Variants in PHF2 observed in about 807,000 individuals in gnomAD.
PHF2 encodes the protein lysine-specific demethylase PHF2.
Under a neutral mutation model 120.5 loss-of-function variants are expected in PHF2, and 27 were observed. The observed-to-expected ratio is 0.22, with a 90% confidence interval of 0.17 to 0.31. The LOEUF is 0.31. PHF2 is among the 10% of genes least tolerant of loss of function. The probability of loss-of-function intolerance (pLI) is 1.00; values close to 1 mark genes in which losing one functional copy is unlikely to be tolerated. For synonymous variants in PHF2, 568 were observed against 592.5 expected (o/e 0.96, Z 0.60); for missense variants, 1,024 against 1,434.8 (o/e 0.71, Z 4.63).
intron 1 of PHF2, among the ~76,000 whole-genome samples, chr9:93,605,521 C>T (rs1475108081): frequency 6.6e-6 from 1 of 152,226 alleles, no homozygotes; most frequent in Non-Finnish European, 1.5e-5. Flanking sequence ...CCCAGTACCC[C>T]CAAACCTCTG....
At chr9:93,648,645 G>C (rs2117892771) in intron 4 of PHF2, among the ~76,000 whole-genome samples, 1 of 152,262 alleles carries the variant, frequency 6.6e-6, no homozygotes, top group South Asian at 2.1e-4. Context: ...TTATCAGTCT[G>C]CCAATTCTCA....
At chr9:93,664,369 G>A (rs1299550268) in intron 14 of PHF2, among the ~76,000 whole-genome samples, 1 of 152,198 alleles carries the variant, frequency 6.6e-6, no homozygotes, top group East Asian at 1.9e-4. Context: ...AACCTCGAGA[G>A]CCTCATGGTT....
At chr9:93,599,143 T>C (rs1825387926) in intron 1 of PHF2, among the ~76,000 whole-genome samples, 1 of 152,168 alleles carries the variant, frequency 6.6e-6, no homozygotes, top group African/African-American at 2.4e-5. Flanking sequence ...GCCAGGGAGA[T>C]GGGGAAGTAC....
intron 18 of PHF2, among the ~76,000 whole-genome samples, chr9:93,674,644 G>C (rs1826874759): frequency 6.6e-6 from 1 of 152,150 alleles, no homozygotes; most frequent in Non-Finnish European, 1.5e-5. Context: ...TGCAGGCACT[G>C]GGGCTAGGCT....
intron 1 of PHF2, among the ~76,000 whole-genome samples, chr9:93,616,546 A>G (rs1371298875): frequency 6.6e-6 from 1 of 152,192 alleles, no homozygotes; most frequent in Non-Finnish European, 1.5e-5. Flanking sequence ...ACCCTGTGCC[A>G]GATGCTGCAG....
chr9:93,623,212 A>G (rs1011885832), intron 1 of PHF2, among the ~76,000 whole-genome samples: 4 of 152,106 alleles, frequency 2.6e-5, no homozygotes, highest in Admixed American at 6.6e-5. Flanking sequence ...TCTGGGTCTA[A>G]TTTCTGGGCT....
intron 1 of PHF2, among the ~76,000 whole-genome samples, chr9:93,620,503 C>G (rs1399548671): frequency 6.6e-6 from 1 of 152,230 alleles, no homozygotes; most frequent in African/African-American, 2.4e-5. Flanking sequence ...GGCTGCTTGC[C>G]TCTCAGGTGG....
At chr9:93,615,778 G>A (rs549873392) in intron 1 of PHF2, among the ~76,000 whole-genome samples, 2 of 152,270 alleles carry the variant, frequency 1.3e-5, no homozygotes, top group East Asian at 1.9e-4. Context: ...ACTCCAAACA[G>A]CAGTAATCCA....
At position 93,676,787 on chromosome 9, in the gene PHF2, C is replaced by T. The variant is rs1419148418; in HGVS notation, c.3026C>T (p.Ser1009Leu). The part of the protein sequence containing the change: ...ASSQASQEGS[S>L]PEPPPESHSS... ...AGCCAGGCCTCGCAGGAGGGCAGCT[C>T]GCCAGAGCCCCCGCCTGAGTCGCAT... The change falls in exon 21 of 22, where the codon TCG (serine) becomes TTG (leucine). Residue 1009 changes from serine (S) to leucine (L), a missense_variant. Coordinates refer to ENST00000359246, the MANE Select transcript of PHF2 (RefSeq NM_005392.4). The T allele has an allele frequency of 8.4e-6, 13 of 1,552,250 alleles. No homozygotes were observed. Among genetic ancestry groups the T allele is most frequent in the South Asian group, 1.2e-5 (1 of 84,230 alleles).
At chr9:93,659,018 A>G (rs1342035855) in intron 10 of PHF2, among the ~76,000 whole-genome samples, 1 of 152,214 alleles carries the variant, frequency 6.6e-6, no homozygotes, top group East Asian at 1.9e-4. Flanking sequence ...CCCAGGCCAG[A>G]GAAGGCCAGT....
intron 9 of PHF2, among the ~76,000 whole-genome samples, chr9:93,657,844 G>C (rs987081739): frequency 6.6e-6 from 1 of 152,178 alleles, no homozygotes; most frequent in Non-Finnish European, 1.5e-5. Flanking sequence ...CCCTTGCTCA[G>C]GTAGGGCTGG....
At chr9:93,668,844 C>T (rs1313841028) in intron 17 of PHF2, among the ~76,000 whole-genome samples, 3 of 152,336 alleles carry the variant, frequency 2.0e-5, no homozygotes, top group East Asian at 1.9e-4. Context: ...CCCCTCAGCC[C>T]GCTGCAGGCA....
At chr9:93,629,887 G>A in intron 1 of PHF2, 83 bp from the exon 2 acceptor site, 1 of 1,337,826 alleles carries the variant, frequency 7.5e-7, no homozygotes, top group South Asian at 1.2e-5. Context: ...AATGAGCAGG[G>A]ATTCTCCCTA....
At chr9:93,587,450 T>G (rs1335407308) in intron 1 of PHF2, among the ~76,000 whole-genome samples, 6 of 18,528 alleles carry the variant, frequency 3.2e-4, no homozygotes, top group African/African-American at 6.3e-4. Context: ...TGACGGAGGA[T>G]CCCTGGATGA....
chr9:93,591,902 T>G (rs571973918), intron 1 of PHF2, among the ~76,000 whole-genome samples: 4 of 152,222 alleles, frequency 2.6e-5, no homozygotes, highest in African/African-American at 9.7e-5. Context: ...GTCTGGCTGC[T>G]CACCTGCAGA....
intron 2 of PHF2, among the ~76,000 whole-genome samples, chr9:93,633,966 C>G (rs1241459265): frequency 6.6e-6 from 1 of 152,140 alleles, no homozygotes; most frequent in Non-Finnish European, 1.5e-5. Flanking sequence ...ACGGGGCTGC[C>G]TCACGCTCCT....
chr9:93,666,855 C>T (rs558969138), intron 16 of PHF2, among the ~76,000 whole-genome samples: 231 of 152,144 alleles, frequency 1.5e-3, no homozygotes, highest in African/African-American at 5.3e-3. Context: ...ACCCAGGAGG[C>T]GGAGCTTGCA....
intron 5 of PHF2, among the ~76,000 whole-genome samples, chr9:93,650,549 C>G (rs1826351495): frequency 6.6e-6 from 1 of 152,200 alleles, no homozygotes; most frequent in Non-Finnish European, 1.5e-5. Flanking sequence ...CCCCTGAGTT[C>G]CTGGCACTAG....
At chr9:93,653,885 C>T (rs1370227981) in intron 6 of PHF2, among the ~76,000 whole-genome samples, 1 of 152,130 alleles carries the variant, frequency 6.6e-6, no homozygotes, top group East Asian at 1.9e-4. Context: ...CCAGCTGGAC[C>T]TGGATCTGGG....
Sources: gnomAD v4.1 joint callset for allele counts (sites outside exome capture counted in the v4.1 genomes callset) on GRCh38, gnomAD v4.1.1 for gene constraint, MANE v1.5 for transcripts, NCBI Gene and HGNC (gene_info 2026-07-23, HGNC 2026-07-21) for gene names.